The following FBXO16 variants were observed in gnomAD, a reference collection of about 807,000 sequenced individuals.
FBXO16 encodes the protein F-box protein 16.
FBXO16 carries 31 observed loss-of-function variants against 41.0 expected under a neutral mutation model. The ratio of observed to expected loss-of-function variants is 0.76; its 90% CI spans 0.57 to 1.02. The LOEUF is 1.02. Ranked by LOEUF, FBXO16 falls within the 50% of genes least tolerant of loss-of-function variation. The pLI is 0.00. For missense variants in FBXO16, 361 were observed against 346.2 expected, an observed-to-expected ratio of 1.04 and a Z score of -0.34; for synonymous variants, 133 against 117.8, an observed-to-expected ratio of 1.13 and a Z score of -0.84.
intron 4 of FBXO16, among the ~76,000 whole-genome samples, chr8:28,457,542 G>A (rs1803058134): frequency 6.6e-6 from 1 of 152,158 alleles, no homozygotes; most frequent in African/African-American, 2.4e-5. Context: ...AGGCAAGAGA[G>A]AATGAAAGCC....
At chr8:28,485,023 T>G (rs1359063303) in intron 1 of FBXO16, among the ~76,000 whole-genome samples, 1 of 152,076 alleles carries the variant, frequency 6.6e-6, no homozygotes, top group African/African-American at 2.4e-5. Flanking sequence ...GGGAGTAGTT[T>G]TGATATATAC....
intron 7 of FBXO16, among the ~76,000 whole-genome samples, chr8:28,441,949 T>A (rs1176476093): frequency 0.073 from 9,278 of 127,854 alleles, 1,104 homozygotes; most frequent in African/African-American, 0.27. Context: ...TGTGTGTATT[T>A]TTTTTTTTTT....
intron 7 of FBXO16, among the ~76,000 whole-genome samples, chr8:28,438,640 C>T (rs1166166511): frequency 6.6e-6 from 1 of 152,226 alleles, no homozygotes; most frequent in African/African-American, 2.4e-5. Flanking sequence ...TTACATCCTC[C>T]TCCCAATTCA....
At chr8:28,444,460 G>C (rs1802829305) in intron 7 of FBXO16, among the ~76,000 whole-genome samples, 1 of 146,946 alleles carries the variant, frequency 6.8e-6, no homozygotes. Flanking sequence ...GTGCCAACAT[G>C]CCCGGCTAAT....
intron 5 of FBXO16, among the ~76,000 whole-genome samples, chr8:28,454,207 T>TTCA (rs1297667695): frequency 6.6e-6 from 1 of 151,848 alleles, no homozygotes; most frequent in Non-Finnish European, 1.5e-5. Flanking sequence ...AAGAAGACAT[T>TTCA]TCATATTTAC....
intron 4 of FBXO16, among the ~76,000 whole-genome samples, chr8:28,463,390 G>T (rs199616685): frequency 1.2e-5 from 1 of 85,720 alleles, no homozygotes; most frequent in African/African-American, 3.5e-5. Flanking sequence ...TTGTGTGTTT[G>T]TGTTTGTATG....
At chr8:28,437,021 T>C (rs1396809785) in intron 7 of FBXO16, among the ~76,000 whole-genome samples, 1 of 152,222 alleles carries the variant, frequency 6.6e-6, no homozygotes, top group Non-Finnish European at 1.5e-5. Context: ...CCCAAAGTGC[T>C]GGGATTACAG....
intron 2 of FBXO16, among the ~76,000 whole-genome samples, chr8:28,474,509 T>TC (rs1803393004): frequency 6.6e-6 from 1 of 151,638 alleles, no homozygotes; most frequent in Admixed American, 6.6e-5. Context: ...AACATGAAAC[T>TC]CCCCCATCTG....
chr8:28,465,345 C>T (rs1382212886), intron 3 of FBXO16: 1 of 442,842 alleles, frequency 2.3e-6, no homozygotes, highest in Non-Finnish European at 4.5e-6. Context: ...GAAATAGGCC[C>T]CGTGTGGTGG....
chr8:28,488,811 G>A lies in FBXO16; in HGVS notation c.-17+1375C>T, dbSNP rs1476787736. ...AGCTACAGGATCCAGACTTCCTCGC[G>A]TGGAAGTCTAGGTCTGCCATGATTT... On this transcript the variant is annotated intron_variant, in intron 1 of 8. Coordinates refer to ENST00000380254, the MANE Select transcript of FBXO16 (RefSeq NM_172366.4). Among the ~76,000 whole-genome samples the A allele has an allele frequency of 3.9e-5, 6 of 152,134 alleles. No individual in the cohort carries two copies. In the East Asian group the frequency reaches 5.8e-4, roughly 15 times the overall value.
At chr8:28,441,319 T>A (rs4732854) in intron 7 of FBXO16, among the ~76,000 whole-genome samples, 61,327 of 151,976 alleles carry the variant, frequency 0.4, 13,403 homozygotes, top group East Asian at 0.7. Flanking sequence ...GCCTCTGAAG[T>A]CCTAGAGTCT....
At chr8:28,472,673 C>T (rs572215878) in intron 3 of FBXO16, among the ~76,000 whole-genome samples, 15 of 152,038 alleles carry the variant, frequency 9.9e-5, no homozygotes, top group South Asian at 2.1e-4. Context: ...ACCCGGGAGG[C>T]GGAGGAGGTT....
At chr8:28,447,960 A>G (rs1444706158) in intron 6 of FBXO16, among the ~76,000 whole-genome samples, 6 of 152,126 alleles carry the variant, frequency 3.9e-5, no homozygotes, top group African/African-American at 1.2e-4. Flanking sequence ...TCTCAAAAAA[A>G]TAATAATAAA....
chr8:28,461,123 T>C (rs920657034), intron 4 of FBXO16, among the ~76,000 whole-genome samples: 4 of 150,168 alleles, frequency 2.7e-5, no homozygotes, highest in Admixed American at 6.7e-5. Context: ...GTCGTGGAGA[T>C]AGTTGCAACT....
At position 28,457,509 on chromosome 8, in the gene FBXO16, A is replaced by G. The variant is rs556967149; in HGVS notation, c.343-579T>C. On this transcript the variant is annotated intron_variant, in intron 4 of 8. Transcript: ENST00000380254. ...GGCCTCACAATCATGGTGGAAGGGGAAAGGCATGTCTTACATGGTGGCAGG... is the reference window on the plus strand; with the variant it reads ...GGCCTCACAATCATGGTGGAAGGGGGAAGGCATGTCTTACATGGTGGCAGG... Among the ~76,000 whole-genome samples, 4 of 152,260 alleles carry G rather than the reference A, an allele frequency of 2.6e-5. No individual in the cohort carries two copies. The South Asian group carries it at 8.3e-4, about 32-fold the overall frequency.
chr8:28,446,153 A>C (rs893500878), intron 7 of FBXO16, among the ~76,000 whole-genome samples: 1 of 148,052 alleles, frequency 6.8e-6, no homozygotes, highest in African/African-American at 2.5e-5. Flanking sequence ...ATTTTTTCCA[A>C]AGTTACTTTA....
At chr8:28,445,115 T>C (rs1802843385) in intron 7 of FBXO16, among the ~76,000 whole-genome samples, 1 of 152,062 alleles carries the variant, frequency 6.6e-6, no homozygotes, top group Admixed American at 6.6e-5. Flanking sequence ...GATTTAATGA[T>C]GCCGTATGCT....
chr8:28,458,997 T>C (rs1011485699), intron 4 of FBXO16, among the ~76,000 whole-genome samples: 13 of 152,222 alleles, frequency 8.5e-5, no homozygotes, highest in African/African-American at 2.9e-4. Flanking sequence ...AATGATGGTC[T>C]GTGTCTTGCC....
At chr8:28,468,776 A>C (rs961978318) in intron 3 of FBXO16, among the ~76,000 whole-genome samples, 2 of 151,980 alleles carry the variant, frequency 1.3e-5, no homozygotes, top group Admixed American at 1.3e-4. Context: ...TGAGCCCAGG[A>C]GGTAGAGGTT....
Sources: allele counts gnomAD v4.1 joint callset (sites outside exome capture counted in the v4.1 genomes callset), GRCh38; gene constraint gnomAD v4.1.1; transcripts MANE v1.5; gene names NCBI Gene and HGNC (gene_info 2026-07-23, HGNC 2026-07-21).